ABCF1: variants seen among roughly 807,000 people sequenced by gnomAD.
ABCF1 encodes ATP binding cassette subfamily F member 1.
In ABCF1, 73 loss-of-function variants were observed where a neutral mutation model predicts 126.3. The ratio of observed to expected loss-of-function variants is 0.58; its 90% CI spans 0.48 to 0.70. The LOEUF is 0.70. Among genes scored for constraint, ABCF1 ranks in the 30% least tolerant of loss-of-function variants. The pLI is 0.00. For synonymous variants in ABCF1, 345 were observed against 396.4 expected (o/e 0.87, Z 1.54); for missense variants, 786 against 1,057.5 (o/e 0.74, Z 3.56).
In ABCF1 at chr6:30,585,864, C is replaced by G. The variant is rs1347017135; in HGVS notation, c.1601-15C>G. The G allele has an allele frequency of 4.4e-6, 7 of 1,591,286 alleles. No individual in the cohort carries two copies. The highest frequency in any genetic ancestry group is 5.1e-6 in the Non-Finnish European group (6 of 1,167,784). On this transcript the variant is annotated splice_polypyrimidine_tract_variant and intron_variant, in intron 16 of 24. Transcript: ENST00000326195. ...AGGAGCAACCACTGATGCCTGGTCC[C>G]CTCTTCTGCCCCAGTGACCTTCAAA...
chr6:30,590,753 C>G lies in ABCF1; in HGVS notation c.*52C>G, dbSNP rs776651358. The stretch of plus-strand genomic sequence containing the variant: ...AGACATATTTGTGTGGCCTAGAAGT[C>G]CTCTGTGGTCTCCCCTCCTCTGAAG... On this transcript the variant is annotated 3_prime_UTR_variant, in exon 25 of 25. Transcript: ENST00000326195. 6.5e-7 allele frequency: 1 copy of G among 1,539,636 alleles called. No homozygotes were observed. The highest frequency in any genetic ancestry group is 8.7e-7 in the Non-Finnish European group (1 of 1,143,034).
intron 2 of ABCF1, 58 bp downstream of exon 2, chr6:30,577,513 A>G: frequency 1.3e-6 from 2 of 1,587,846 alleles, no homozygotes; most frequent in Non-Finnish European, 8.6e-7. Context: ...AGCTAAATAA[A>G]TAGCCATGTG....
intron 20 of ABCF1, among the ~76,000 whole-genome samples, chr6:30,587,242 T>C (rs1582598242): frequency 1.1e-5 from 1 of 93,712 alleles, no homozygotes; most frequent in African/African-American, 4.8e-5. Flanking sequence ...AGAGCGAGAC[T>C]CCATCTCAAA....
intron 1 of ABCF1, among the ~76,000 whole-genome samples, chr6:30,572,215 A>G (rs937246297): frequency 6.6e-6 from 1 of 152,214 alleles, no homozygotes; most frequent in Non-Finnish European, 1.5e-5. Context: ...ACATAAATGG[A>G]CACAACTAAC....
At chr6:30,587,249 C>CAA (rs9278735) in intron 20 of ABCF1, among the ~76,000 whole-genome samples, 1 of 139,188 alleles carries the variant, frequency 7.2e-6, no homozygotes, top group East Asian at 2.2e-4. Context: ...GACTCCATCT[C>CAA]AAAAAAAAAA....
At position 30,578,102 on chromosome 6, in the gene ABCF1, AG is replaced by A; in HGVS notation, c.245del (p.Gly82AlafsTer54). 1 of 1,614,072 alleles carries A rather than the reference AG, an allele frequency of 6.2e-7. No individual in the cohort carries two copies. The highest frequency in any genetic ancestry group is 8.5e-7 in the Non-Finnish European group (1 of 1,180,006). On this transcript the variant is annotated frameshift_variant, in exon 4 of 25. Coordinates refer to ENST00000326195, the MANE Select transcript of ABCF1 (RefSeq NM_001025091.2). LOFTEE classifies it high-confidence loss of function. ...QQKKKRDTRK[G>X]RRKKDVDDDG... is the part of the protein sequence containing the mutation. ...AAAAAAAAAAGCGAGATACCCGAAAAGGCAGGCGGAAGAAGGATGTGGATGA... is the reference window on the plus strand; with the variant it reads ...AAAAAAAAAAGCGAGATACCCGAAAAGCAGGCGGAAGAAGGATGTGGATGA...
chr6:30,590,065 A>C, intron 22 of ABCF1, 84 bp from the exon 23 acceptor site: 1 of 1,606,008 alleles, frequency 6.2e-7, no homozygotes, highest in Non-Finnish European at 8.5e-7. Context: ...AGGGAGCCTC[A>C]GCTCACAAAC....
At chr6:30,590,032 T>C in intron 22 of ABCF1, 58 bp downstream of exon 22, 1 of 1,607,094 alleles carries the variant, frequency 6.2e-7, no homozygotes, top group South Asian at 1.1e-5. Flanking sequence ...GTCTACAAAC[T>C]GTACCTAGAG....
Position 30,583,920 on chromosome 6 carries a change from G to C in ABCF1, c.1102+30G>C. On this transcript the variant is annotated intron_variant, in intron 12 of 24. Transcript: ENST00000326195. The surrounding 1 kb of genome is among the most constrained non-coding windows in gnomAD (Gnocchi z 4.1). The stretch of plus-strand genomic sequence containing the variant: ...GACCACTGGGGAGAAAAGGGGCTTG[G>C]TGGGGTGGGCAGTTGGGTAGAAAAG... 1 of 1,609,402 alleles carries C rather than the reference G, an allele frequency of 6.2e-7. No individual in the cohort carries two copies. Among genetic ancestry groups the C allele is most frequent in the African/African-American group, 1.3e-5 (1 of 74,906 alleles).
At chr6:30,582,362 C>T (rs961840901) in intron 8 of ABCF1, 32 bp from the exon 9 acceptor site, 66 of 1,446,616 alleles carry the variant, frequency 4.6e-5, no homozygotes, top group Non-Finnish European at 6.3e-5. Flanking sequence ...AGCCAGGAGT[C>T]CCTAGTTTTG....
At chr6:30,582,728 CTG>C in intron 9 of ABCF1, among the ~76,000 whole-genome samples, 1 of 152,008 alleles carries the variant, frequency 6.6e-6, no homozygotes, top group Non-Finnish European at 1.5e-5. Flanking sequence ...GGGTCTCACA[CTG>C]TTACTCAGGC....
intron 1 of ABCF1, among the ~76,000 whole-genome samples, chr6:30,576,276 C>CTTTTTTTTTTTTTTTTTT (rs9256927): frequency 2.3e-5 from 1 of 44,162 alleles, no homozygotes; most frequent in Admixed American, 3.2e-4. Flanking sequence ...TCTGAGTGCT[C>CTTTTTTTTTTTTTTTTTT]TTTTTTTTTT....
At chr6:30,577,599 C>G in intron 2 of ABCF1, 144 bp downstream of exon 2, 1 of 1,120,614 alleles carries the variant, frequency 8.9e-7, no homozygotes, top group Non-Finnish European at 1.3e-6. Context: ...TGGCTTACAC[C>G]TGTAATCCCA....
rs1422682776 is a variant in ABCF1, at chr6:30,580,413, A to G, written c.572A>G (p.Asn191Ser). 2 of 1,538,958 alleles carry G rather than the reference A, an allele frequency of 1.3e-6. No homozygotes were observed. The highest frequency in any genetic ancestry group is 1.7e-6 in the Non-Finnish European group (2 of 1,153,980). The change falls in exon 8 of 25, where the codon AAT becomes AGT. Residue 191 changes from asparagine to serine, a missense_variant. Around this residue, in one of 4 missense-constraint regions of ABCF1, gnomAD observed 322 missense variants for 322.9 expected, o/e 1.00. Transcript: ENST00000326195. ...EKSKGKAKPQ[N>S]KFAALDNEEE... is the part of the protein sequence containing the mutation. ...CTGTCTTTTCCCTATTAGCCTCAAA[A>G]TAAATTCGCTGCTCTGGACAATGAA...
At chr6:30,571,657 GC>G (rs1179575537) in intron 1 of ABCF1, 97 bp downstream of exon 1, 22 of 1,374,664 alleles carry the variant, frequency 1.6e-5, no homozygotes, top group Non-Finnish European at 2.0e-5. Flanking sequence ...GACTGACCGG[GC>G]CCCTGCGGGA....
rs1391944131 is a variant in ABCF1 at position 30,584,408 on chromosome 6, C to G, written c.1243-10C>G. ...CCCTCAGACGTGTGTCCTCTTCTCC[C>G]TCCTCCCAGGTGTATGAGGAATTGC... On this transcript the variant is annotated splice_polypyrimidine_tract_variant and intron_variant, in intron 13 of 24. Transcript: ENST00000326195. This position sits in a 1 kb window ranked among gnomAD's most constrained non-coding sequence, Gnocchi z 4.6. The G allele has an allele frequency of 3.1e-6, 5 of 1,612,978 alleles. No individual in the cohort carries two copies.
At position 30,585,870 on chromosome 6, in the gene ABCF1, C is replaced by T. The variant is rs1282232614; in HGVS notation, c.1601-9C>T. 1.3e-6 allele frequency: 2 copies of T among 1,595,858 alleles called. No homozygotes were observed. The highest frequency in any genetic ancestry group is 1.1e-5 in the South Asian group (1 of 89,308). On this transcript the variant is annotated splice_polypyrimidine_tract_variant and intron_variant, in intron 16 of 24. Coordinates refer to ENST00000326195, the MANE Select transcript of ABCF1 (RefSeq NM_001025091.2). ...AACCACTGATGCCTGGTCCCCTCTT[C>T]TGCCCCAGTGACCTTCAAAAAGATG...
rs532558882 is a variant in ABCF1 at position 30,589,715 on chromosome 6, C to T, written c.2059C>T (p.Arg687Trp). The T allele has an allele frequency of 7.4e-6, 12 of 1,614,194 alleles. No individual in the cohort carries two copies. Among genetic ancestry groups the T allele is most frequent in the South Asian group, 3.3e-5 (3 of 91,088 alleles). ...CCATGGGGAAATGAGAAAGAACCAC[C>T]GGCTGGTAAGTTGGCATTGGGATTT... is the stretch of plus-strand genomic sequence containing the variant. Reference protein sequence around the residue: ...PTHGEMRKNHRLKIGFFNQQY... With the variant: ...PTHGEMRKNHWLKIGFFNQQY... The change falls in exon 21 of 25, where the codon CGG becomes TGG. Residue 687 changes from arginine (R) to tryptophan (W), a missense_variant. Arg to Trp is a moderately radical substitution (Grantham distance 101). Coordinates refer to ENST00000326195, the MANE Select transcript of ABCF1 (RefSeq NM_001025091.2).
rs1801876715 is a variant in ABCF1 at position 30,582,498 on chromosome 6, G to GA, written c.789dup (p.Gln264ThrfsTer5). 2 of 1,612,246 alleles carry GA rather than the reference G, an allele frequency of 1.2e-6. No individual in the cohort carries two copies. On this transcript the variant is annotated frameshift_variant, in exon 9 of 25. Coordinates refer to ENST00000326195, the MANE Select transcript of ABCF1 (RefSeq NM_001025091.2). LOFTEE classifies it high-confidence loss of function. ...TTAGCAAAAAGGAGAAGAAAAAGCT[G>GA]AAAAAACAGGTAAGACCTTGGTTCT...
Sources: allele counts gnomAD v4.1 joint callset (sites outside exome capture counted in the v4.1 genomes callset), GRCh38; gene constraint gnomAD v4.1.1; regional missense constraint gnomAD v4.1.1; non-coding constraint Gnocchi (gnomAD v3.1); transcripts MANE v1.5; gene names NCBI Gene and HGNC (gene_info 2026-07-23, HGNC 2026-07-21).